The following AGPAT3 variants were observed in gnomAD, a reference collection of about 807,000 sequenced individuals.
AGPAT3 encodes the protein 1-acylglycerol-3-phosphate O-acyltransferase 3.
A neutral mutation model predicts 47.3 loss-of-function variants in AGPAT3; 5 were observed. The observed-to-expected ratio is 0.11, with a 90% CI of 0.06 to 0.22. AGPAT3 has a LOEUF of 0.22. AGPAT3 is among the 10% of genes least tolerant of loss of function. The probability of loss-of-function intolerance (pLI) is 1.00; values close to 1 mark genes in which losing one functional copy is unlikely to be tolerated. For missense variants in AGPAT3, 315 were observed against 493.0 expected (o/e 0.64, Z 3.42); for synonymous variants, 212 against 208.3 (o/e 1.02, Z -0.15).
At chr21:43,924,668 G>A (rs1016524165) in intron 2 of AGPAT3, among the ~76,000 whole-genome samples, 3 of 152,230 alleles carry the variant, frequency 2.0e-5, no homozygotes, top group Non-Finnish European at 4.4e-5. Flanking sequence ...GCTGTGGCTC[G>A]CTGGTCTCGA....
intron 2 of AGPAT3, among the ~76,000 whole-genome samples, chr21:43,936,609 C>G (rs1345772562): frequency 6.6e-6 from 1 of 152,262 alleles, no homozygotes; most frequent in Non-Finnish European, 1.5e-5. Context: ...AGCTCTGCCC[C>G]TATAATACTT....
chr21:43,923,493 T>C (rs1601318288), intron 2 of AGPAT3, among the ~76,000 whole-genome samples: 2 of 152,264 alleles, frequency 1.3e-5, no homozygotes, highest in Middle Eastern at 3.4e-3. Flanking sequence ...TCCAATTCCA[T>C]TGAGTTCTGA....
At chr21:43,894,444 A>G (rs951239356) in intron 1 of AGPAT3, among the ~76,000 whole-genome samples, 2 of 151,442 alleles carry the variant, frequency 1.3e-5, no homozygotes, top group Non-Finnish European at 2.9e-5. Flanking sequence ...CACCCACTAT[A>G]TGACTCACCC....
intron 1 of AGPAT3, among the ~76,000 whole-genome samples, chr21:43,879,994 C>T (rs1198687445): frequency 6.6e-6 from 1 of 152,174 alleles, no homozygotes; most frequent in African/African-American, 2.4e-5. Flanking sequence ...TGGGTTCTGC[C>T]CGTCTCTGTT....
At chr21:43,980,292 CA>C (rs1054360752) in intron 8 of AGPAT3, among the ~76,000 whole-genome samples, 4 of 117,464 alleles carry the variant, frequency 3.4e-5, no homozygotes, top group South Asian at 7.2e-4. Flanking sequence ...AAAAAAAAAA[CA>C]AAAAAAAACG....
chr21:43,971,379 C>T lies in AGPAT3; in HGVS notation c.665-9C>T, dbSNP rs1387732982. ...GCTGGGTCATTCACCCTCCCGTCTC[C>T]TCCCACAGTCGCAGCTGTCTATGAT... On this transcript the variant is annotated splice_polypyrimidine_tract_variant and intron_variant, in intron 6 of 9. Transcript: ENST00000291572. The T allele has an allele frequency of 1.2e-6, 2 of 1,613,590 alleles. No individual in the cohort carries two copies. Among genetic ancestry groups the T allele is most frequent in the Non-Finnish European group, 8.5e-7 (1 of 1,179,594 alleles).
At chr21:43,870,170 G>T (rs560711845) in intron 1 of AGPAT3, among the ~76,000 whole-genome samples, 1 of 152,220 alleles carries the variant, frequency 6.6e-6, no homozygotes, top group Non-Finnish European at 1.5e-5. Flanking sequence ...GTGAGCTGGT[G>T]CAGGGAGGCG....
At chr21:43,928,206 G>A (rs1316776311) in intron 2 of AGPAT3, among the ~76,000 whole-genome samples, 1 of 152,242 alleles carries the variant, frequency 6.6e-6, no homozygotes, top group African/African-American at 2.4e-5. Flanking sequence ...CAGGCCAAGG[G>A]CATGATGGTT....
At chr21:43,866,212 G>T (rs1019312818) in intron 1 of AGPAT3, among the ~76,000 whole-genome samples, 14 of 133,944 alleles carry the variant, frequency 1.0e-4, no homozygotes, top group African/African-American at 3.4e-4. Context: ...AAAAAAAAAA[G>T]CACAATTTTA....
chr21:43,868,694 G>A (rs773543546), intron 1 of AGPAT3, among the ~76,000 whole-genome samples: 24 of 152,216 alleles, frequency 1.6e-4, no homozygotes, highest in Non-Finnish European at 2.6e-4. Context: ...TACCGGCGCT[G>A]CAGCCACGCT....
chr21:43,944,878 G>A (rs1049525536), intron 2 of AGPAT3, among the ~76,000 whole-genome samples: 1 of 152,240 alleles, frequency 6.6e-6, no homozygotes, highest in Non-Finnish European at 1.5e-5. Context: ...AGTGCGGGAG[G>A]TGTCCAGGTG....
chr21:43,912,870 C>T (rs566279124), intron 2 of AGPAT3, among the ~76,000 whole-genome samples: 5 of 152,240 alleles, frequency 3.3e-5, no homozygotes, highest in Non-Finnish European at 7.3e-5. Context: ...CTACAGGGCA[C>T]TCTGCCTTGT....
At chr21:43,875,465 T>C (rs1300007786) in intron 1 of AGPAT3, among the ~76,000 whole-genome samples, 3 of 152,186 alleles carry the variant, frequency 2.0e-5, no homozygotes, top group Non-Finnish European at 4.4e-5. Flanking sequence ...ATGCTTTGCT[T>C]TCTCATACCA....
intron 2 of AGPAT3, 85 bp from the exon 3 acceptor site, chr21:43,959,549 G>A (rs2088722450): frequency 8.1e-7 from 1 of 1,231,518 alleles, no homozygotes; most frequent in African/African-American, 1.5e-5. Context: ...GGCATGTGCG[G>A]GGTGTGCAGT....
At chr21:43,894,201 ATTTC>A (rs1016621437) in intron 1 of AGPAT3, among the ~76,000 whole-genome samples, 15 of 146,238 alleles carry the variant, frequency 1.0e-4, no homozygotes, top group African/African-American at 2.5e-4. Flanking sequence ...GGGGCCAGGT[ATTTC>A]TTTCTTTCTT....
Position 43,908,319 on chromosome 21 carries a change from G to A in AGPAT3, c.-49+4300G>A, listed in dbSNP as rs539697035. Among the ~76,000 whole-genome samples, 16 of 152,264 alleles carry A rather than the reference G, an allele frequency of 1.1e-4. No homozygotes were observed. The East Asian group carries it at 1.9e-3, about 18-fold the overall frequency. ...TGGGGAAGGAATGCCTGTCGTGAGC[G>A]GAACCAGCCAAGTTCACACATGGCC... On this transcript the variant is annotated intron_variant, in intron 2 of 9. Coordinates refer to ENST00000291572, the MANE Select transcript of AGPAT3 (RefSeq NM_020132.5). This position sits in a 1 kb window ranked among gnomAD's most constrained non-coding sequence, Gnocchi z 4.9.
At chr21:43,869,760 G>A (rs886926143) in intron 1 of AGPAT3, among the ~76,000 whole-genome samples, 2 of 152,226 alleles carry the variant, frequency 1.3e-5, no homozygotes, top group African/African-American at 2.4e-5. Context: ...GGTCCCGAAG[G>A]TGTCTCAGCA....
At chr21:43,869,110 C>T (rs1046848004) in intron 1 of AGPAT3, among the ~76,000 whole-genome samples, 2 of 152,184 alleles carry the variant, frequency 1.3e-5, no homozygotes, top group Admixed American at 6.5e-5. Flanking sequence ...TCTGAAATCT[C>T]CATCTGAATT....
At chr21:43,964,711 A>G (rs1034071361) in intron 3 of AGPAT3, among the ~76,000 whole-genome samples, 1 of 152,240 alleles carries the variant, frequency 6.6e-6, no homozygotes, top group Non-Finnish European at 1.5e-5. Flanking sequence ...AATACACAAG[A>G]AAAGCACTTC....
Sources: gnomAD v4.1 joint callset for allele counts (sites outside exome capture counted in the v4.1 genomes callset) on GRCh38, gnomAD v4.1.1 for gene constraint, Gnocchi (gnomAD v3.1) non-coding constraint, MANE v1.5 for transcripts, NCBI Gene and HGNC (gene_info 2026-07-23, HGNC 2026-07-21) for gene names.